GPR39: variants seen among roughly 807,000 people sequenced by gnomAD.
GPR39 encodes the protein zinc sensing receptor.
A neutral mutation model predicts 18.4 loss-of-function variants in GPR39; 23 were observed. That is an observed-to-expected ratio of 1.25 (90% confidence interval 0.90 to 1.77). GPR39 has a LOEUF of 1.77. GPR39 is among the 40% of genes most tolerant of loss of function. GPR39 has a pLI of 0.00. For synonymous variants in GPR39, 280 were observed against 257.9 expected, an observed-to-expected ratio of 1.09 and a Z score of -0.82; for missense variants, 647 against 602.4, an observed-to-expected ratio of 1.07 and a Z score of -0.78.
At chr2:132,572,828 G>A (rs896550767) in intron 1 of GPR39, among the ~76,000 whole-genome samples, 1 of 152,176 alleles carries the variant, frequency 6.6e-6, no homozygotes, top group African/African-American at 2.4e-5. Flanking sequence ...ATTGATTGTG[G>A]TTTGTCTTTC....
rs200718340 is a variant in GPR39, at chr2:132,492,512, T to TACCATATATATAC, written c.856+74651_856+74663dup. 4.8e-4 allele frequency among the ~76,000 whole-genome samples: 65 copies of TACCATATATATAC among 136,446 alleles called. 1 individual carries two copies. The highest frequency in any genetic ancestry group is 5.4e-4 in the Non-Finnish European group (35 of 64,454). 89.5% of individuals were successfully genotyped at this position (136,446 alleles called of 152,430 possible). On this transcript the variant is annotated intron_variant, in intron 1 of 1. Transcript: ENST00000329321. ...ATACACCATATATACACACCATATATACCATATATATACACCATATATATA... is the reference window on the plus strand; with the variant it reads ...ATACACCATATATACACACCATATATACCATATATATACACCATATATATACACCATATATATA...
chr2:132,453,981 T>C (rs1033502430), intron 1 of GPR39, among the ~76,000 whole-genome samples: 2 of 152,342 alleles, frequency 1.3e-5, no homozygotes, highest in Middle Eastern at 3.4e-3. Flanking sequence ...TTTGGTTCCA[T>C]ATGAACTTTA....
chr2:132,435,967 A>T (rs1457035721), intron 1 of GPR39, among the ~76,000 whole-genome samples: 1 of 152,238 alleles, frequency 6.6e-6, no homozygotes. Flanking sequence ...GTTTTCAGAA[A>T]GCAAAAGTGT....
chr2:132,559,388 C>T (rs536515754), intron 1 of GPR39, among the ~76,000 whole-genome samples: 2 of 152,018 alleles, frequency 1.3e-5, no homozygotes, highest in African/African-American at 4.8e-5. Flanking sequence ...TTTAAACAGG[C>T]GTGACTTTCC....
At chr2:132,585,290 C>A (rs900302143) in intron 1 of GPR39, among the ~76,000 whole-genome samples, 1 of 152,066 alleles carries the variant, frequency 6.6e-6, no homozygotes, top group African/African-American at 2.4e-5. Context: ...TCATAGGAGT[C>A]CCTGTCCCCC....
chr2:132,549,809 ACTTT>A (rs1680011566), intron 1 of GPR39, among the ~76,000 whole-genome samples: 1 of 152,138 alleles, frequency 6.6e-6, no homozygotes, highest in African/African-American at 2.4e-5. Context: ...GCTTCAGATG[ACTTT>A]CTAAGATACA....
At chr2:132,436,973 C>A (rs1680335012) in intron 1 of GPR39, among the ~76,000 whole-genome samples, 1 of 152,170 alleles carries the variant, frequency 6.6e-6, no homozygotes, top group Non-Finnish European at 1.5e-5. Flanking sequence ...CCCTATGAGG[C>A]AGGTGCAGTT....
chr2:132,565,925 A>T (rs1680342830), intron 1 of GPR39, among the ~76,000 whole-genome samples: 1 of 146,372 alleles, frequency 6.8e-6, no homozygotes, highest in Non-Finnish European at 1.5e-5. Flanking sequence ...CAGTAATGGG[A>T]TGGCTGGGTC....
At chr2:132,608,056 C>G (rs1398877432) in intron 1 of GPR39, among the ~76,000 whole-genome samples, 1 of 152,106 alleles carries the variant, frequency 6.6e-6, no homozygotes. Flanking sequence ...ATTAAATCTT[C>G]CATTTTTCTC....
intron 1 of GPR39, among the ~76,000 whole-genome samples, chr2:132,600,329 C>A (rs983062356): frequency 6.6e-6 from 1 of 152,074 alleles, no homozygotes; most frequent in African/African-American, 2.4e-5. Flanking sequence ...CCTAACAATG[C>A]ACCTCAATGT....
At chr2:132,606,882 C>A (rs1056508236) in intron 1 of GPR39, among the ~76,000 whole-genome samples, 6 of 152,176 alleles carry the variant, frequency 3.9e-5, no homozygotes, top group Non-Finnish European at 8.8e-5. Flanking sequence ...AGAACTCCCC[C>A]TGGAGTCCGC....
chr2:132,549,736 C>T (rs1217822055), intron 1 of GPR39, among the ~76,000 whole-genome samples: 4 of 151,918 alleles, frequency 2.6e-5, no homozygotes, highest in Non-Finnish European at 4.4e-5. Context: ...TGCAGTGAGC[C>T]GAGATTGTGC....
At chr2:132,459,750 A>T (rs776139325) in intron 1 of GPR39, among the ~76,000 whole-genome samples, 5 of 152,326 alleles carry the variant, frequency 3.3e-5, no homozygotes, top group Admixed American at 6.5e-5. Context: ...AGTCACGAAG[A>T]CTTGATAATG....
Position 132,417,103 on chromosome 2 carries a change from C to G in GPR39, c.61C>G (p.Pro21Ala), listed in dbSNP as rs1679915937. The stretch of plus-strand genomic sequence containing the variant: ...CCAAATCATTGATCACAGTCATGTC[C>G]CCGAGTTTGAGGTGGCCACCTGGAT... ...CSQIIDHSHV[P>A]EFEVATWIKI... The change falls in exon 1 of 2, where the codon CCC becomes GCC. Residue 21 changes from proline to alanine, a missense_variant. Pro to Ala is a conservative substitution (Grantham distance 27, BLOSUM62 -1). Coordinates refer to ENST00000329321, the MANE Select transcript of GPR39 (RefSeq NM_001508.3). 1 of 1,614,086 alleles carries G rather than the reference C, an allele frequency of 6.2e-7. No homozygotes were observed. The highest frequency in any genetic ancestry group is 1.3e-5 in the African/African-American group (1 of 75,004).
intron 1 of GPR39, among the ~76,000 whole-genome samples, chr2:132,619,648 C>G (rs1681398901): frequency 6.6e-6 from 1 of 152,162 alleles, no homozygotes; most frequent in Non-Finnish European, 1.5e-5. Context: ...TGTCTAGGCA[C>G]AGCCTCCTGG....
At chr2:132,459,715 C>T (rs900301402) in intron 1 of GPR39, among the ~76,000 whole-genome samples, 1 of 152,178 alleles carries the variant, frequency 6.6e-6, no homozygotes, top group Non-Finnish European at 1.5e-5. Context: ...GTGTACTTGG[C>T]ATGCATTATA....
intron 1 of GPR39, among the ~76,000 whole-genome samples, chr2:132,550,712 T>C (rs1479865889): frequency 6.6e-6 from 1 of 152,204 alleles, no homozygotes; most frequent in Non-Finnish European, 1.5e-5. Flanking sequence ...TTATAAGTGA[T>C]AAAATGAGGT....
intron 1 of GPR39, among the ~76,000 whole-genome samples, chr2:132,535,694 G>GTTTTTTTTTTTTTTTTT (rs1252242856): frequency 1.1e-4 from 7 of 60,956 alleles, no homozygotes; most frequent in African/African-American, 4.7e-4. Flanking sequence ...CTGGTCCTGG[G>GTTTTTTTTTTTTTTTTT]CTTTTTTTTT....
intron 1 of GPR39, among the ~76,000 whole-genome samples, chr2:132,482,963 C>A (rs914143335): frequency 6.6e-6 from 1 of 152,104 alleles, no homozygotes; most frequent in African/African-American, 2.4e-5. Flanking sequence ...CAATAATATC[C>A]CTGCACTGTG....
Sources: allele counts gnomAD v4.1 joint callset (sites outside exome capture counted in the v4.1 genomes callset), GRCh38; gene constraint gnomAD v4.1.1; transcripts MANE v1.5; gene names NCBI Gene and HGNC (gene_info 2026-07-23, HGNC 2026-07-21).